Variants in ZDHHC2 observed in about 807,000 individuals in gnomAD.
ZDHHC2 encodes zDHHC palmitoyltransferase 2, also known as palmitoyltransferase ZDHHC2.
ZDHHC2 carries 51 observed loss-of-function variants against 55.6 expected under a neutral mutation model. That is an observed-to-expected ratio of 0.92 (90% CI 0.73 to 1.16). The LOEUF is 1.16. Among genes scored for constraint, ZDHHC2 ranks in the 50% most tolerant of loss-of-function variants. The probability of loss-of-function intolerance (pLI) is 0.00; values close to 1 mark genes in which losing one functional copy is unlikely to be tolerated. For missense variants in ZDHHC2, 491 were observed against 442.4 expected (o/e 1.11, Z -0.99); for synonymous variants, 199 against 152.9 (o/e 1.30, Z -2.22).
At chr8:17,190,308 G>A (rs774310116) in intron 3 of ZDHHC2, among the ~76,000 whole-genome samples, 36 of 152,088 alleles carry the variant, frequency 2.4e-4, no homozygotes, top group Admixed American at 1.4e-3. Context: ...TCATCTGTTA[G>A]CAGTGTGATC....
At chr8:17,188,929 T>C (rs1332180279) in intron 3 of ZDHHC2, among the ~76,000 whole-genome samples, 2 of 152,086 alleles carry the variant, frequency 1.3e-5, no homozygotes, top group East Asian at 3.9e-4. Context: ...CTACTCTTTT[T>C]CTCTCGGACG....
intron 4 of ZDHHC2, among the ~76,000 whole-genome samples, 189 bp downstream of exon 4, chr8:17,195,813 G>A (rs2904669): frequency 0.4 from 60,190 of 151,994 alleles, 15,065 homozygotes; most frequent in Non-Finnish European, 0.57. Context: ...ATAGCACTGT[G>A]GCACAGAGAT....
At chr8:17,180,867 C>G (rs1805397407) in intron 1 of ZDHHC2, among the ~76,000 whole-genome samples, 1 of 152,116 alleles carries the variant, frequency 6.6e-6, no homozygotes, top group South Asian at 2.1e-4. Context: ...TAAGGAAGAA[C>G]CAAAACCAAG....
chr8:17,202,254 G>A (rs908323379), intron 6 of ZDHHC2, among the ~76,000 whole-genome samples: 26 of 152,066 alleles, frequency 1.7e-4, no homozygotes, highest in East Asian at 9.7e-4. Context: ...TTTTTGAGAC[G>A]GAGTTGCCTA....
chr8:17,183,164 C>T (rs532188853), intron 1 of ZDHHC2, among the ~76,000 whole-genome samples: 13 of 152,314 alleles, frequency 8.5e-5, no homozygotes, highest in African/African-American at 2.9e-4. Context: ...GCACCAGCAC[C>T]TCTGGAATGG....
At chr8:17,163,045 C>T (rs1804425589) in intron 1 of ZDHHC2, among the ~76,000 whole-genome samples, 1 of 152,224 alleles carries the variant, frequency 6.6e-6, no homozygotes, top group African/African-American at 2.4e-5. Flanking sequence ...GATGCTCGGG[C>T]CACTTTTACT....
intron 10 of ZDHHC2, among the ~76,000 whole-genome samples, chr8:17,211,930 TCAGTAGTAG>T (rs908841638): frequency 2.0e-5 from 3 of 152,216 alleles, no homozygotes; most frequent in African/African-American, 7.2e-5. Context: ...TTTACAAAAT[TCAGTAGTAG>T]TTTATAATAC....
chr8:17,171,965 T>G (rs1804876892), intron 1 of ZDHHC2, among the ~76,000 whole-genome samples: 1 of 151,794 alleles, frequency 6.6e-6, no homozygotes, highest in South Asian at 2.1e-4. Flanking sequence ...CTCAAGGACT[T>G]AACTTGTGCA....
intron 1 of ZDHHC2, among the ~76,000 whole-genome samples, chr8:17,161,790 G>A (rs1330126359): frequency 6.6e-6 from 1 of 151,360 alleles, no homozygotes; most frequent in Non-Finnish European, 1.5e-5. Context: ...AACCGGGGAG[G>A]CAGAGGCTGC....
chr8:17,186,756 A>G (rs1244581818), intron 3 of ZDHHC2, among the ~76,000 whole-genome samples: 2 of 152,218 alleles, frequency 1.3e-5, no homozygotes, highest in Non-Finnish European at 2.9e-5. Context: ...TAATTATCAC[A>G]TTAAAGGTGT....
At chr8:17,164,130 T>G (rs1425028734) in intron 1 of ZDHHC2, among the ~76,000 whole-genome samples, 1 of 152,214 alleles carries the variant, frequency 6.6e-6, no homozygotes, top group Non-Finnish European at 1.5e-5. Flanking sequence ...TTGAGAATTT[T>G]CCTTTCAAAA....
intron 2 of ZDHHC2, among the ~76,000 whole-genome samples, chr8:17,185,527 A>G (rs1805663717): frequency 1.3e-5 from 2 of 151,900 alleles, no homozygotes; most frequent in African/African-American, 4.8e-5. Context: ...AACATTAGCC[A>G]GGTGAGGTGG....
intron 1 of ZDHHC2, among the ~76,000 whole-genome samples, chr8:17,164,886 GACATGGAGTAAGGGTGAGT>G (rs1171587538): frequency 6.6e-6 from 1 of 152,162 alleles, no homozygotes; most frequent in Non-Finnish European, 1.5e-5. Flanking sequence ...AAGGGTATGT[GACATGGAGTAAGGGTGAGT>G]ACATGGAGTA....
intron 1 of ZDHHC2, among the ~76,000 whole-genome samples, chr8:17,169,617 A>G (rs962402972): frequency 6.6e-6 from 1 of 152,322 alleles, no homozygotes; most frequent in East Asian, 1.9e-4. Context: ...GGTGTCAATC[A>G]TGAACTCGAT....
chr8:17,209,433 G>A (rs1441631977), intron 8 of ZDHHC2, among the ~76,000 whole-genome samples: 1 of 152,098 alleles, frequency 6.6e-6, no homozygotes, highest in Non-Finnish European at 1.5e-5. Flanking sequence ...GCTACAGTGA[G>A]CTATGATCAT....
At chr8:17,194,936 A>T (rs1806229526) in intron 3 of ZDHHC2, among the ~76,000 whole-genome samples, 1 of 152,126 alleles carries the variant, frequency 6.6e-6, no homozygotes, top group African/African-American at 2.4e-5. Flanking sequence ...CATATTATTA[A>T]ACAGAAGCCC....
At chr8:17,177,266 C>T (rs1309434967) in intron 1 of ZDHHC2, among the ~76,000 whole-genome samples, 1 of 151,966 alleles carries the variant, frequency 6.6e-6, no homozygotes, top group East Asian at 1.9e-4. Flanking sequence ...GGAATTAGAC[C>T]AATTGGAGTT....
chr8:17,189,361 C>G (rs918267974), intron 3 of ZDHHC2, among the ~76,000 whole-genome samples: 12 of 152,118 alleles, frequency 7.9e-5, no homozygotes, highest in African/African-American at 2.9e-4. Flanking sequence ...ATCATGGCAA[C>G]ACACTGCATA....
intron 1 of ZDHHC2, among the ~76,000 whole-genome samples, chr8:17,173,521 A>G (rs1804971181): frequency 6.6e-6 from 1 of 151,858 alleles, no homozygotes; most frequent in African/African-American, 2.4e-5. Flanking sequence ...ACAAAAAAAA[A>G]TAAAATTATA....
Sources: gnomAD v4.1 joint callset for allele counts (sites outside exome capture counted in the v4.1 genomes callset) on GRCh38, gnomAD v4.1.1 for gene constraint, MANE v1.5 for transcripts, NCBI Gene and HGNC (gene_info 2026-07-23, HGNC 2026-07-21) for gene names.